The following PRKN variants were observed in gnomAD, a reference collection of about 807,000 sequenced individuals.
The protein encoded by PRKN is parkin RBR E3 ubiquitin protein ligase.
In PRKN, 56 loss-of-function variants were observed where a neutral mutation model predicts 59.5. The observed-to-expected ratio is 0.94, with a 90% CI of 0.76 to 1.18. PRKN has a LOEUF of 1.18. Ranked by LOEUF, PRKN falls within the 50% of genes most tolerant of loss-of-function variation. PRKN has a pLI of 0.00. For synonymous variants in PRKN, 250 were observed against 222.1 expected, an observed-to-expected ratio of 1.13 and a Z score of -1.12; for missense variants, 657 against 596.4, an observed-to-expected ratio of 1.10 and a Z score of -1.06.
At chr6:162,288,629 G>A (rs928538255) in intron 2 of PRKN, among the ~76,000 whole-genome samples, 3 of 152,052 alleles carry the variant, frequency 2.0e-5, no homozygotes, top group Admixed American at 2.0e-4. Context: ...TCTCCGAAAA[G>A]GACACGGAGC....
chr6:162,426,317 T>C (rs1789236426), intron 2 of PRKN, among the ~76,000 whole-genome samples: 1 of 152,224 alleles, frequency 6.6e-6, no homozygotes, highest in African/African-American at 2.4e-5. Context: ...GGTGTCCTTA[T>C]GAGGCATGAC....
At chr6:162,067,711 A>C (rs1427149934) in intron 4 of PRKN, among the ~76,000 whole-genome samples, 3 of 152,186 alleles carry the variant, frequency 2.0e-5, no homozygotes, top group African/African-American at 7.2e-5. Context: ...AGCCATAGTT[A>C]ATACCATATG....
chr6:161,473,591 G>T lies in PRKN; in HGVS notation c.1083+75263C>A, dbSNP rs1790904122. Among the ~76,000 whole-genome samples the T allele has an allele frequency of 6.6e-6, 1 of 151,794 alleles. No homozygotes were observed. The highest frequency in any genetic ancestry group is 2.1e-4 in the South Asian group (1 of 4,816). On this transcript the variant is annotated intron_variant, in intron 9 of 11. Coordinates refer to ENST00000366898, the MANE Select transcript of PRKN (RefSeq NM_004562.3). The surrounding 1 kb of genome is among the most constrained non-coding windows in gnomAD (Gnocchi z 4.1). Reference sequence around the variant, plus strand: ...GGAAGTGGTGGGGGGAATTGTGGCAGAAAATGGGGAGATATGGGTCAAAGC... The same window carrying T: ...GGAAGTGGTGGGGGGAATTGTGGCATAAAATGGGGAGATATGGGTCAAAGC...
At chr6:161,977,511 A>C (rs1781075915) in intron 5 of PRKN, among the ~76,000 whole-genome samples, 1 of 151,330 alleles carries the variant, frequency 6.6e-6, no homozygotes, top group African/African-American at 2.4e-5. Flanking sequence ...TCTGGAGAGA[A>C]ACATTATCTT....
rs1344719322 is a variant in PRKN at position 161,451,815 on chromosome 6, G to A, written c.1084-64938C>T. 2.0e-5 allele frequency among the ~76,000 whole-genome samples: 3 copies of A among 152,158 alleles called. No individual in the cohort carries two copies. The highest frequency in any genetic ancestry group is 4.4e-5 in the Non-Finnish European group (3 of 68,032). On this transcript the variant is annotated intron_variant, in intron 9 of 11. Transcript: ENST00000366898. This position sits in a 1 kb window ranked among gnomAD's most constrained non-coding sequence, Gnocchi z 5.9. The stretch of plus-strand genomic sequence containing the variant: ...TGCTTTGGTCTTGGCAGATTTCCTG[G>A]CCAGTCCATGGAACCCTCAAAATAG...
At chr6:162,149,320 T>C (rs988155411) in intron 4 of PRKN, among the ~76,000 whole-genome samples, 55 of 152,220 alleles carry the variant, frequency 3.6e-4, no homozygotes, top group African/African-American at 1.3e-3. Context: ...TCTCTGCTCA[T>C]TGCAATCTCT....
intron 1 of PRKN, among the ~76,000 whole-genome samples, chr6:162,514,011 A>G (rs1777740182): frequency 6.6e-6 from 1 of 152,066 alleles, no homozygotes; most frequent in Non-Finnish European, 1.5e-5. Flanking sequence ...GCACCACTGC[A>G]CTCTAGCTTG....
chr6:162,313,218 T>TA (rs1165985839), intron 2 of PRKN, among the ~76,000 whole-genome samples: 2 of 152,274 alleles, frequency 1.3e-5, no homozygotes, highest in East Asian at 1.9e-4. Flanking sequence ...CATTTCATCT[T>TA]AAAAAACTGA....
At chr6:161,522,295 G>A (rs938024554) in intron 9 of PRKN, among the ~76,000 whole-genome samples, 6 of 152,196 alleles carry the variant, frequency 3.9e-5, no homozygotes, top group African/African-American at 1.4e-4. Context: ...GTAGAGGAGA[G>A]GGCTGAAGAT....
intron 9 of PRKN, among the ~76,000 whole-genome samples, chr6:161,517,289 C>G (rs1778644800): frequency 6.6e-6 from 1 of 152,120 alleles, no homozygotes; most frequent in Non-Finnish European, 1.5e-5. Context: ...CTTTATGGAT[C>G]TGGGAGCAGT....
intron 1 of PRKN, among the ~76,000 whole-genome samples, chr6:162,521,585 G>GA (rs1305855233): frequency 2.6e-5 from 4 of 151,898 alleles, no homozygotes; most frequent in African/African-American, 7.3e-5. Flanking sequence ...CAGTTTGTTG[G>GA]AAAAAACATA....
chr6:162,522,776 CTG>C (rs1404195959), intron 1 of PRKN, among the ~76,000 whole-genome samples: 2 of 147,790 alleles, frequency 1.4e-5, no homozygotes, highest in Middle Eastern at 3.4e-3. Context: ...TCCTATAACA[CTG>C]TGAGTCAGAT....
chr6:161,519,234 TC>T (rs1327059749), intron 9 of PRKN, among the ~76,000 whole-genome samples: 3 of 151,980 alleles, frequency 2.0e-5, no homozygotes, highest in Admixed American at 2.0e-4. Flanking sequence ...TGTTCAAGGT[TC>T]CCCTCTGAAT....
chr6:162,637,697 A>G (rs2846489), intron 1 of PRKN, among the ~76,000 whole-genome samples: 93,175 of 152,006 alleles, frequency 0.61, 29,294 homozygotes, highest in African/African-American at 0.75. Context: ...AATTAAAATT[A>G]TATCTTAATT....
intron 1 of PRKN, among the ~76,000 whole-genome samples, chr6:162,584,621 A>C (rs1780935361): frequency 6.6e-6 from 1 of 152,078 alleles, no homozygotes; most frequent in Non-Finnish European, 1.5e-5. Flanking sequence ...CCAGCTCTCT[A>C]AATTAAGGGA....
At chr6:162,218,425 G>C (rs1171070326) in intron 3 of PRKN, among the ~76,000 whole-genome samples, 1 of 152,196 alleles carries the variant, frequency 6.6e-6, no homozygotes, top group Non-Finnish European at 1.5e-5. Context: ...ACCCTGAGGT[G>C]TGTGGCAGCC....
At chr6:162,121,436 A>G (rs1048355767) in intron 4 of PRKN, among the ~76,000 whole-genome samples, 1 of 152,186 alleles carries the variant, frequency 6.6e-6, no homozygotes, top group Non-Finnish European at 1.5e-5. Flanking sequence ...AAAGAAGGAC[A>G]GTACTTGATG....
intron 2 of PRKN, among the ~76,000 whole-genome samples, chr6:162,363,645 A>G (rs1035691682): frequency 6.6e-6 from 1 of 152,160 alleles, no homozygotes; most frequent in African/African-American, 2.4e-5. Context: ...TTCAGTTAAC[A>G]AAAACCTTTT....
chr6:162,686,957 G>A (rs1436873221), intron 1 of PRKN, among the ~76,000 whole-genome samples: 1 of 152,062 alleles, frequency 6.6e-6, no homozygotes, highest in Non-Finnish European at 1.5e-5. Context: ...TGTGATGCCT[G>A]CAGCTTTGTT....
Sources: gnomAD v4.1 joint callset for allele counts (sites outside exome capture counted in the v4.1 genomes callset) on GRCh38, gnomAD v4.1.1 for gene constraint, Gnocchi (gnomAD v3.1) non-coding constraint, MANE v1.5 for transcripts, NCBI Gene and HGNC (gene_info 2026-07-23, HGNC 2026-07-21) for gene names.